The following DCC variants were observed in gnomAD, a reference collection of about 807,000 sequenced individuals.
The protein encoded by DCC is netrin receptor DCC.
A neutral mutation model predicts 172.5 loss-of-function variants in DCC; 58 were observed. The observed-to-expected ratio is 0.34, with a 90% CI of 0.27 to 0.42. The LOEUF (loss-of-function observed/expected upper bound fraction) is 0.42. Ranked by LOEUF, DCC falls within the 10% of genes least tolerant of loss-of-function variation. DCC has a pLI of 1.00. For missense variants in DCC, 1,740 were observed against 1,791.0 expected, an observed-to-expected ratio of 0.97 and a Z score of 0.51; for synonymous variants, 709 against 644.5, an observed-to-expected ratio of 1.10 and a Z score of -1.52.
intron 7 of DCC, among the ~76,000 whole-genome samples, chr18:53,092,502 C>T (rs1016950771): frequency 1.4e-4 from 21 of 152,218 alleles, no homozygotes; most frequent in African/African-American, 4.8e-4. Context: ...TATATCATAA[C>T]ATATGTTTTA....
In DCC at chr18:52,989,492, C is replaced by G. The variant is rs141262521; in HGVS notation, c.985+64122C>G. On this transcript the variant is annotated intron_variant, in intron 5 of 28. Coordinates refer to ENST00000442544, the MANE Select transcript of DCC (RefSeq NM_005215.4). ...GAACCGAGATCACACCATGGCACTACAGCCTGGGCGACAAGAGGGAGACTC... is the reference window on the plus strand; with the variant it reads ...GAACCGAGATCACACCATGGCACTAGAGCCTGGGCGACAAGAGGGAGACTC... 2.0e-3 allele frequency among the ~76,000 whole-genome samples: 298 copies of G among 152,226 alleles called. 7 individuals carry two copies. The highest frequency in any genetic ancestry group is 3.9e-3 in the East Asian group (20 of 5,168).
intron 5 of DCC, among the ~76,000 whole-genome samples, chr18:52,988,564 A>G (rs2041332097): frequency 6.6e-6 from 1 of 152,172 alleles, no homozygotes; most frequent in Admixed American, 6.5e-5. Flanking sequence ...TAAAATCTAT[A>G]ATAAATTAAG....
At chr18:52,684,889 A>G (rs11661813) in intron 1 of DCC, among the ~76,000 whole-genome samples, 22,168 of 152,152 alleles carry the variant, frequency 0.15, 1,932 homozygotes, top group Admixed American at 0.25. Flanking sequence ...TAAAAGTTTA[A>G]ATCTGTTTTT....
chr18:52,650,533 T>G (rs1365914107), intron 1 of DCC, among the ~76,000 whole-genome samples: 1 of 152,204 alleles, frequency 6.6e-6, no homozygotes, highest in Non-Finnish European at 1.5e-5. Context: ...CTGTTTTTTT[T>G]GTCTGTTTGT....
chr18:52,516,734 G>C lies in DCC; in HGVS notation c.91+175856G>C, dbSNP rs546992957. On this transcript the variant is annotated intron_variant, in intron 1 of 28. Coordinates refer to ENST00000442544, the MANE Select transcript of DCC (RefSeq NM_005215.4). ...TAGATATAGATTCATAGTTCAAATAGTCTTCTTAATAACCTTTATTTTTTT... is the reference window on the plus strand; with the variant it reads ...TAGATATAGATTCATAGTTCAAATACTCTTCTTAATAACCTTTATTTTTTT... Among the ~76,000 whole-genome samples, 5 of 152,272 alleles carry C rather than the reference G, an allele frequency of 3.3e-5. No homozygotes were observed. The South Asian group carries it at 1.0e-3, about 32-fold the overall frequency.
At chr18:53,124,161 T>C (rs2043521890) in intron 7 of DCC, among the ~76,000 whole-genome samples, 1 of 152,156 alleles carries the variant, frequency 6.6e-6, no homozygotes, top group Admixed American at 6.6e-5. Context: ...TCTTAACCAA[T>C]TGCTTTCTGT....
chr18:53,398,434 T>A (rs960253193), intron 18 of DCC, among the ~76,000 whole-genome samples: 1 of 152,164 alleles, frequency 6.6e-6, no homozygotes, highest in African/African-American at 2.4e-5. Context: ...TTATTATCTC[T>A]TCTTCTCAGA....
chr18:53,227,812 A>G (rs1233207141), intron 12 of DCC, among the ~76,000 whole-genome samples: 1 of 152,036 alleles, frequency 6.6e-6, no homozygotes, highest in Non-Finnish European at 1.5e-5. Context: ...AACATTTCTC[A>G]TCTTTCAGAG....
intron 1 of DCC, among the ~76,000 whole-genome samples, chr18:52,713,075 C>T (rs1179470480): frequency 6.6e-6 from 1 of 152,170 alleles, no homozygotes; most frequent in African/African-American, 2.4e-5. Context: ...CACTTTAGTG[C>T]CTAGCCGGGA....
intron 5 of DCC, among the ~76,000 whole-genome samples, chr18:53,000,920 C>G (rs1349090021): frequency 1.3e-5 from 2 of 151,922 alleles, no homozygotes; most frequent in Non-Finnish European, 2.9e-5. Context: ...TAGTACTTTT[C>G]TCTTACCTAC....
chr18:52,915,941 T>C (rs1657122505), intron 3 of DCC, among the ~76,000 whole-genome samples: 1 of 152,102 alleles, frequency 6.6e-6, no homozygotes, highest in Non-Finnish European at 1.5e-5. Flanking sequence ...TTGGAATTTC[T>C]TGAGATGCTT....
intron 1 of DCC, among the ~76,000 whole-genome samples, chr18:52,556,803 C>T (rs2032927311): frequency 6.6e-6 from 1 of 152,018 alleles, no homozygotes; most frequent in African/African-American, 2.4e-5. Flanking sequence ...CGCCGTCTCA[C>T]CTTTGAGCAG....
At position 52,610,211 on chromosome 18, in the gene DCC, A is replaced by C. The variant is rs1259753446; in HGVS notation, c.92-141843A>C. ...TATATATATATATATATATATATAT[A>C]TATATATATATATATAAAATTAGCC... On this transcript the variant is annotated intron_variant, in intron 1 of 28. Transcript: ENST00000442544. Among the ~76,000 whole-genome samples, 2 of 80,498 alleles carry C rather than the reference A, an allele frequency of 2.5e-5. 1 individual carries two copies. The highest frequency in any genetic ancestry group is 1.1e-4 in the African/African-American group (2 of 18,434). The allele number at this position is 80,498 out of a possible 152,430, so 52.8% of individuals were successfully genotyped here. A position where few individuals can be genotyped will look rare whatever the true frequency, so the allele number is the denominator to read the frequency against.
intron 12 of DCC, among the ~76,000 whole-genome samples, chr18:53,235,019 G>A (rs898895326): frequency 9.2e-5 from 14 of 152,018 alleles, no homozygotes; most frequent in African/African-American, 3.4e-4. Context: ...CCTCTAGATA[G>A]CCAATTTCCA....
intron 7 of DCC, among the ~76,000 whole-genome samples, chr18:53,130,138 G>T (rs1568322075): frequency 6.6e-6 from 1 of 151,986 alleles, no homozygotes; most frequent in African/African-American, 2.4e-5. Context: ...TCTAGCAATT[G>T]CAGACTACCC....
chr18:53,419,231 A>G (rs1910492103), intron 21 of DCC, among the ~76,000 whole-genome samples: 1 of 152,220 alleles, frequency 6.6e-6, no homozygotes, highest in South Asian at 2.1e-4. Context: ...TACAGTGTGA[A>G]ATAAGCACAT....
At chr18:53,226,934 G>GTGTATATATATATA (rs34949557) in intron 12 of DCC, among the ~76,000 whole-genome samples, 848 of 67,304 alleles carry the variant, frequency 0.013, 14 homozygotes, top group Non-Finnish European at 0.02. Context: ...GTGTGTGTGT[G>GTGTATATATATATA]TATATATATA....
intron 1 of DCC, among the ~76,000 whole-genome samples, chr18:52,632,333 C>T (rs2144882172): frequency 6.6e-6 from 1 of 152,244 alleles, no homozygotes; most frequent in South Asian, 2.1e-4. Flanking sequence ...TAACACAATA[C>T]TTGGCACATA....
At chr18:53,444,302 G>A (rs891193161) in intron 22 of DCC, among the ~76,000 whole-genome samples, 1 of 152,170 alleles carries the variant, frequency 6.6e-6, no homozygotes, top group Non-Finnish European at 1.5e-5. Flanking sequence ...AGCATTTTGG[G>A]AAGCCAAGTT....
Sources: allele counts gnomAD v4.1 joint callset (sites outside exome capture counted in the v4.1 genomes callset), GRCh38; gene constraint gnomAD v4.1.1; transcripts MANE v1.5; gene names NCBI Gene and HGNC (gene_info 2026-07-23, HGNC 2026-07-21).